Variants in KIAA1328 observed in about 807,000 individuals in gnomAD.
KIAA1328 encodes the protein protein hinderin.
In KIAA1328, 52 loss-of-function variants were observed where a neutral mutation model predicts 68.1. The ratio of observed to expected loss-of-function variants is 0.76; its 90% CI spans 0.61 to 0.96. KIAA1328 has a LOEUF of 0.96. KIAA1328 is among the 40% of genes least tolerant of loss of function. The pLI is 0.00. For missense variants in KIAA1328, 641 were observed against 677.6 expected (o/e 0.95, Z 0.60); for synonymous variants, 232 against 239.4 (o/e 0.97, Z 0.28).
At chr18:37,138,379 C>T (rs886276512) in intron 7 of KIAA1328, among the ~76,000 whole-genome samples, 39 of 152,194 alleles carry the variant, frequency 2.6e-4, no homozygotes, top group African/African-American at 9.4e-4. Context: ...CTCTGCTGCC[C>T]TTAGTGCTCC....
intron 9 of KIAA1328, among the ~76,000 whole-genome samples, chr18:37,217,980 G>A (rs909718191): frequency 2.6e-5 from 4 of 152,108 alleles, no homozygotes; most frequent in African/African-American, 7.2e-5. Context: ...TTAAGCCGGC[G>A]GCCAAAGAGA....
intron 7 of KIAA1328, among the ~76,000 whole-genome samples, chr18:37,118,468 A>G (rs913089828): frequency 1.3e-5 from 2 of 152,144 alleles, no homozygotes; most frequent in Non-Finnish European, 2.9e-5. Context: ...GACTTTACTC[A>G]CAGAACATAG....
At position 37,083,963 on chromosome 18, in the gene KIAA1328, G is replaced by A. The variant is rs116863001; in HGVS notation, c.1232+16418G>A. Among the ~76,000 whole-genome samples the A allele has an allele frequency of 6.3e-3, 956 of 152,032 alleles. 6 individuals are homozygous for A. Among genetic ancestry groups the A allele is most frequent in the Non-Finnish European group, 0.01 (692 of 67,910 alleles). On this transcript the variant is annotated intron_variant, in intron 7 of 9. Transcript: ENST00000280020. ...TTAAGTTACTATGAAATCAATTTGT[G>A]TTTGTTTATGTATATTTAAGAATTA... is the stretch of plus-strand genomic sequence containing the variant.
intron 7 of KIAA1328, among the ~76,000 whole-genome samples, chr18:37,134,434 T>C (rs539352191): frequency 6.6e-6 from 1 of 152,286 alleles, no homozygotes; most frequent in Non-Finnish European, 1.5e-5. Context: ...AATAAACCTA[T>C]TATAAACAAT....
chr18:36,953,387 TA>T (rs2051250033), intron 5 of KIAA1328, among the ~76,000 whole-genome samples: 1 of 138,518 alleles, frequency 7.2e-6, no homozygotes, highest in Non-Finnish European at 1.5e-5. Context: ...GATAGATAGA[TA>T]GATAGATAGA....
chr18:37,101,890 C>G (rs890961964), intron 7 of KIAA1328, among the ~76,000 whole-genome samples: 2 of 152,130 alleles, frequency 1.3e-5, no homozygotes, highest in Non-Finnish European at 2.9e-5. Context: ...GAATTTTCAA[C>G]CCAGAATTTC....
chr18:37,112,909 G>C (rs1282087997), intron 7 of KIAA1328, among the ~76,000 whole-genome samples: 1 of 152,192 alleles, frequency 6.6e-6, no homozygotes, highest in Admixed American at 6.6e-5. Context: ...AAGGGTGTCA[G>C]TGATTGAAGA....
chr18:36,896,204 CTTGG>C (rs1001339052), intron 5 of KIAA1328, among the ~76,000 whole-genome samples: 1 of 151,860 alleles, frequency 6.6e-6, no homozygotes, highest in African/African-American at 2.4e-5. Flanking sequence ...GCTTTATTTT[CTTGG>C]TTGGGTGTTA....
intron 7 of KIAA1328, among the ~76,000 whole-genome samples, chr18:37,072,606 T>C (rs2056574623): frequency 6.6e-6 from 1 of 152,192 alleles, no homozygotes; most frequent in African/African-American, 2.4e-5. Flanking sequence ...TCTGGCTAGC[T>C]AATGACATAA....
At chr18:37,036,282 G>A (rs1433193333) in intron 6 of KIAA1328, among the ~76,000 whole-genome samples, 1 of 152,170 alleles carries the variant, frequency 6.6e-6, no homozygotes, top group Non-Finnish European at 1.5e-5. Flanking sequence ...GAAGCAGTTT[G>A]TCCTGACCTT....
chr18:37,136,102 T>C (rs1368544693), intron 7 of KIAA1328, among the ~76,000 whole-genome samples: 1 of 152,206 alleles, frequency 6.6e-6, no homozygotes, highest in Non-Finnish European at 1.5e-5. Context: ...AAAATACTTT[T>C]TGCATCCTTG....
chr18:36,895,814 A>G (rs1182322515), intron 5 of KIAA1328: 1 of 455,464 alleles, frequency 2.2e-6, no homozygotes, highest in East Asian at 7.0e-5. Flanking sequence ...GCCCTAATCC[A>G]ATGACTGTTG....
Position 37,173,015 on chromosome 18 carries a change from T to C in KIAA1328, c.1457T>C (p.Met486Thr). ...GVRKDASTSP[M>T]PTGSLKDFVT... ...AGAAAAGATGCGTCTACATCTCCTA[T>C]GCCAACAGGAAGCCTAAAGGATTTT... Residue 486 changes from methionine to threonine, a missense_variant, in exon 9 of 10, where the codon ATG becomes ACG. Coordinates refer to ENST00000280020, the MANE Select transcript of KIAA1328 (RefSeq NM_020776.3). 2 of 1,613,736 alleles carry C rather than the reference T, an allele frequency of 1.2e-6. No homozygotes were observed. Among genetic ancestry groups the C allele is most frequent in the South Asian group, 1.1e-5 (1 of 91,068 alleles).
chr18:37,169,240 A>C (rs2059451222), intron 8 of KIAA1328, among the ~76,000 whole-genome samples: 1 of 151,094 alleles, frequency 6.6e-6, no homozygotes, highest in Admixed American at 6.6e-5. Context: ...ATCTCGGCTC[A>C]CTGCAACCTC....
At chr18:37,020,914 C>T (rs1487795393) in intron 6 of KIAA1328, among the ~76,000 whole-genome samples, 1 of 152,078 alleles carries the variant, frequency 6.6e-6, no homozygotes, top group East Asian at 1.9e-4. Flanking sequence ...GCCCTTCTTA[C>T]CCCCACAGAA....
At chr18:37,126,625 T>G (rs2058397147) in intron 7 of KIAA1328, among the ~76,000 whole-genome samples, 1 of 152,128 alleles carries the variant, frequency 6.6e-6, no homozygotes, top group African/African-American at 2.4e-5. Flanking sequence ...ACCATTACTT[T>G]GATACCAAAA....
At chr18:37,128,539 T>C (rs151188569) in intron 7 of KIAA1328, among the ~76,000 whole-genome samples, 125 of 152,248 alleles carry the variant, frequency 8.2e-4, no homozygotes, top group Admixed American at 1.5e-3. Flanking sequence ...ATGGGAACTC[T>C]CATATGTTGC....
At chr18:37,191,792 A>G (rs1187918011) in intron 9 of KIAA1328, among the ~76,000 whole-genome samples, 2 of 151,966 alleles carry the variant, frequency 1.3e-5, no homozygotes, top group African/African-American at 4.9e-5. Flanking sequence ...CACAATCCTG[A>G]CCATCTATTT....
In KIAA1328 at chr18:37,097,259, G is replaced by A. The variant is rs866998850; in HGVS notation, c.1232+29714G>A. Among the ~76,000 whole-genome samples the A allele has an allele frequency of 1.3e-4, 20 of 152,232 alleles. No individual in the cohort carries two copies. In the East Asian group the frequency reaches 1.3e-3, roughly 10 times the overall value. On this transcript the variant is annotated intron_variant, in intron 7 of 9. Coordinates refer to ENST00000280020, the MANE Select transcript of KIAA1328 (RefSeq NM_020776.3). ...TTGAATTAATTTTTGTATAAGGTGT[G>A]AGGAAGGGATCCAGTTTCAGCTTTC...
Sources: allele counts gnomAD v4.1 joint callset (sites outside exome capture counted in the v4.1 genomes callset), GRCh38; gene constraint gnomAD v4.1.1; transcripts MANE v1.5; gene names NCBI Gene and HGNC (gene_info 2026-07-23, HGNC 2026-07-21).